The following CNTN5 variants were observed in gnomAD, a reference collection of about 807,000 sequenced individuals.
CNTN5 encodes contactin 5.
Under a neutral mutation model 129.1 loss-of-function variants are expected in CNTN5, and 77 were observed. The observed-to-expected ratio is 0.60, with a 90% confidence interval of 0.50 to 0.72. The LOEUF (loss-of-function observed/expected upper bound fraction) is 0.72. CNTN5 is among the 30% of genes least tolerant of loss of function. CNTN5 has a pLI of 0.00. For synonymous variants in CNTN5, 509 were observed against 465.6 expected (o/e 1.09, Z -1.20); for missense variants, 1,478 against 1,328.8 (o/e 1.11, Z -1.75).
intron 2 of CNTN5, among the ~76,000 whole-genome samples, chr11:99,455,909 C>T (rs1338055087): frequency 6.6e-6 from 1 of 152,034 alleles, no homozygotes; most frequent in African/African-American, 2.4e-5. Flanking sequence ...CTTTTCAAGC[C>T]CAGTATCTTT....
chr11:99,156,097 G>T (rs755241783), intron 1 of CNTN5, among the ~76,000 whole-genome samples: 5 of 151,852 alleles, frequency 3.3e-5, no homozygotes, highest in African/African-American at 4.8e-5. Flanking sequence ...AGGAAAGACA[G>T]ATTTAACTAT....
At chr11:99,362,327 G>T (rs1005172110) in intron 2 of CNTN5, among the ~76,000 whole-genome samples, 41 of 151,770 alleles carry the variant, frequency 2.7e-4, no homozygotes, top group Non-Finnish European at 5.2e-4. Flanking sequence ...CTTTAATTGG[G>T]TTGTTTATTT....
At chr11:99,680,247 A>G (rs117966009) in intron 3 of CNTN5, among the ~76,000 whole-genome samples, 5,938 of 152,224 alleles carry the variant, frequency 0.039, 166 homozygotes, top group South Asian at 0.086. Context: ...TACTAGAAGA[A>G]GATGCCATCT....
chr11:99,847,351 G>A (rs999352258), intron 6 of CNTN5, among the ~76,000 whole-genome samples: 1 of 152,176 alleles, frequency 6.6e-6, no homozygotes, highest in African/African-American at 2.4e-5. Flanking sequence ...TCAATGACCA[G>A]GCATGGGAAA....
intron 2 of CNTN5, among the ~76,000 whole-genome samples, chr11:99,371,664 T>C (rs114544935): frequency 6.6e-6 from 1 of 152,342 alleles, no homozygotes; most frequent in African/African-American, 2.4e-5. Flanking sequence ...GAGATCAGTC[T>C]GTCAGTGTCA....
intron 3 of CNTN5, among the ~76,000 whole-genome samples, chr11:99,786,261 A>G (rs1200309596): frequency 6.6e-6 from 1 of 152,090 alleles, no homozygotes; most frequent in East Asian, 1.9e-4. Flanking sequence ...CACAACTGCT[A>G]CAAAGAGAAT....
intron 2 of CNTN5, among the ~76,000 whole-genome samples, chr11:99,515,015 T>C (rs1046894564): frequency 1.3e-5 from 2 of 152,028 alleles, no homozygotes; most frequent in Non-Finnish European, 2.9e-5. Context: ...TAAAAATGTC[T>C]AAATGAAATA....
At chr11:99,731,442 G>T (rs1427924982) in intron 3 of CNTN5, among the ~76,000 whole-genome samples, 1 of 152,180 alleles carries the variant, frequency 6.6e-6, no homozygotes, top group Non-Finnish European at 1.5e-5. Context: ...TAGAAGTCAA[G>T]TGCTATTCCT....
chr11:99,255,701 T>C (rs1430698758), intron 1 of CNTN5, among the ~76,000 whole-genome samples: 2 of 151,552 alleles, frequency 1.3e-5, no homozygotes, highest in South Asian at 2.1e-4. Flanking sequence ...ATTAAAAGAA[T>C]TGTGCATTTT....
At chr11:99,396,640 G>A (rs903159846) in intron 2 of CNTN5, among the ~76,000 whole-genome samples, 12 of 151,522 alleles carry the variant, frequency 7.9e-5, no homozygotes, top group African/African-American at 2.7e-4. Flanking sequence ...CTAAAATTCT[G>A]AAAATATTTT....
intron 8 of CNTN5, among the ~76,000 whole-genome samples, chr11:99,976,210 C>T (rs1020972662): frequency 6.6e-6 from 1 of 152,216 alleles, no homozygotes; most frequent in Non-Finnish European, 1.5e-5. Flanking sequence ...AGGCCTTTGG[C>T]AACTCTGTCC....
chr11:100,333,408 G>GGA (rs1425556927), intron 21 of CNTN5, among the ~76,000 whole-genome samples: 27 of 74,290 alleles, frequency 3.6e-4, no homozygotes, highest in Non-Finnish European at 6.6e-4. Flanking sequence ...CACTGAATTA[G>GGA]AAAAAAAAAA....
At chr11:99,506,087 T>C (rs1946606120) in intron 2 of CNTN5, among the ~76,000 whole-genome samples, 1 of 151,380 alleles carries the variant, frequency 6.6e-6, no homozygotes, top group Admixed American at 6.6e-5. Context: ...AGCTTGTTGC[T>C]CTGAGTATTT....
At chr11:99,275,134 C>T (rs1352553695) in intron 1 of CNTN5, among the ~76,000 whole-genome samples, 1 of 150,814 alleles carries the variant, frequency 6.6e-6, no homozygotes, top group Non-Finnish European at 1.5e-5. Context: ...TTTTAAGACC[C>T]CTAGCCTCAT....
At chr11:99,594,056 T>C (rs1198854442) in intron 3 of CNTN5, among the ~76,000 whole-genome samples, 1 of 152,210 alleles carries the variant, frequency 6.6e-6, no homozygotes, top group Non-Finnish European at 1.5e-5. Flanking sequence ...TATCTGATGA[T>C]TACAATTACT....
chr11:99,172,717 T>C (rs1351952204), intron 1 of CNTN5, among the ~76,000 whole-genome samples: 1 of 152,186 alleles, frequency 6.6e-6, no homozygotes, highest in Non-Finnish European at 1.5e-5. Flanking sequence ...ATGAAAGAAG[T>C]TGACTTCTAG....
intron 3 of CNTN5, among the ~76,000 whole-genome samples, chr11:99,796,335 T>A (rs1391400629): frequency 2.6e-5 from 4 of 151,942 alleles, no homozygotes; most frequent in African/African-American, 9.7e-5. Flanking sequence ...CATACACACA[T>A]GTACATCCAT....
At chr11:100,281,032 T>G (rs1405941066) in intron 18 of CNTN5, among the ~76,000 whole-genome samples, 1 of 152,162 alleles carries the variant, frequency 6.6e-6, no homozygotes, top group African/African-American at 2.4e-5. Flanking sequence ...TTATATCTTA[T>G]TGTACTGTCT....
At chr11:100,331,857 T>C (rs1475615458) in intron 21 of CNTN5, among the ~76,000 whole-genome samples, 1 of 152,074 alleles carries the variant, frequency 6.6e-6, no homozygotes, top group Non-Finnish European at 1.5e-5. Context: ...AGAAAGTTCA[T>C]AGTATTAAAT....
Sources: gnomAD v4.1 joint callset for allele counts (sites outside exome capture counted in the v4.1 genomes callset) on GRCh38, gnomAD v4.1.1 for gene constraint, MANE v1.5 for transcripts, NCBI Gene and HGNC (gene_info 2026-07-23, HGNC 2026-07-21) for gene names.